The following HHAT variants were observed in gnomAD, a reference collection of about 807,000 sequenced individuals.
HHAT encodes the protein hedgehog acyltransferase, also known as protein-cysteine N-palmitoyltransferase HHAT.
Under a neutral mutation model 70.8 loss-of-function variants are expected in HHAT, and 47 were observed. The ratio of observed to expected loss-of-function variants is 0.66; its 90% CI spans 0.53 to 0.85. The LOEUF (loss-of-function observed/expected upper bound fraction) is 0.85, where lower values mean the gene tolerates loss of function less well. Ranked by LOEUF, HHAT falls within the 40% of genes least tolerant of loss-of-function variation. The pLI is 0.00. For missense variants in HHAT, 609 were observed against 604.8 expected (o/e 1.01, Z -0.07); for synonymous variants, 228 against 247.6 (o/e 0.92, Z 0.74).
chr1:210,387,141 T>G (rs1228824032), intron 3 of HHAT, among the ~76,000 whole-genome samples: 1 of 152,124 alleles, frequency 6.6e-6, no homozygotes, highest in East Asian at 1.9e-4. Flanking sequence ...AAAATGGAAA[T>G]AATAATAGCA....
At chr1:210,426,060 TC>T (rs2093052506) in intron 7 of HHAT, among the ~76,000 whole-genome samples, 1 of 152,244 alleles carries the variant, frequency 6.6e-6, no homozygotes, top group South Asian at 2.1e-4. Context: ...ATCTTTCACT[TC>T]CCTAGTTAGC....
At chr1:210,424,523 C>G (rs2148297738) in intron 7 of HHAT, among the ~76,000 whole-genome samples, 1 of 126,674 alleles carries the variant, frequency 7.9e-6, no homozygotes, top group South Asian at 2.5e-4. Flanking sequence ...TTTTTTTGTA[C>G]AGATTATTTC....
chr1:210,482,630 C>A (rs1443870976), intron 8 of HHAT, among the ~76,000 whole-genome samples: 1 of 152,118 alleles, frequency 6.6e-6, no homozygotes. Flanking sequence ...AAATAGATTG[C>A]CTGCATGAAG....
At chr1:210,329,298 G>C (rs1206328141) in intron 1 of HHAT, 194 bp downstream of exon 1, 1 of 1,225,930 alleles carries the variant, frequency 8.2e-7, no homozygotes, top group Non-Finnish European at 1.0e-6. Context: ...GGCCGCGCGC[G>C]CAGTGCGCCC....
chr1:210,415,592 G>A (rs2092696286), intron 6 of HHAT, among the ~76,000 whole-genome samples: 1 of 152,156 alleles, frequency 6.6e-6, no homozygotes. Flanking sequence ...TGGTATGGCT[G>A]CATAAAATAT....
At chr1:210,514,735 A>G (rs2095025331) in intron 9 of HHAT, among the ~76,000 whole-genome samples, 1 of 152,208 alleles carries the variant, frequency 6.6e-6, no homozygotes, top group African/African-American at 2.4e-5. Flanking sequence ...GTTGAGAAAA[A>G]GCTGTACAGT....
At chr1:210,510,936 A>G (rs1326191144) in intron 8 of HHAT, among the ~76,000 whole-genome samples, 2 of 152,128 alleles carry the variant, frequency 1.3e-5, no homozygotes, top group Admixed American at 6.5e-5. Context: ...TCGCTAATGT[A>G]ATTGAAAAGG....
intron 9 of HHAT, among the ~76,000 whole-genome samples, chr1:210,527,996 G>C (rs1380980797): frequency 6.6e-6 from 1 of 152,168 alleles, no homozygotes; most frequent in South Asian, 2.1e-4. Context: ...ATGATTTTTA[G>C]CATCTACCAT....
chr1:210,565,595 G>A (rs1445216036), intron 9 of HHAT, among the ~76,000 whole-genome samples: 2 of 152,084 alleles, frequency 1.3e-5, no homozygotes, highest in Non-Finnish European at 2.9e-5. Flanking sequence ...AAACAGAAAC[G>A]ATGACAGTGA....
At chr1:210,471,340 GAA>G (rs1194640921) in intron 8 of HHAT, among the ~76,000 whole-genome samples, 1 of 152,112 alleles carries the variant, frequency 6.6e-6, no homozygotes, top group African/African-American at 2.4e-5. Context: ...AATCTAGAAA[GAA>G]GAGTGTTTGC....
intron 4 of HHAT, among the ~76,000 whole-genome samples, chr1:210,395,437 CCAA>C (rs2148177882): frequency 1.1e-5 from 1 of 89,254 alleles, no homozygotes; most frequent in African/African-American, 5.8e-5. Context: ...GGCACTGACA[CCAA>C]TCCTTGGAGC....
At chr1:210,578,689 A>T (rs902047933) in intron 9 of HHAT, among the ~76,000 whole-genome samples, 22 of 152,242 alleles carry the variant, frequency 1.4e-4, no homozygotes, top group African/African-American at 5.3e-4. Context: ...ATGAACATGG[A>T]GAATATTCTA....
At chr1:210,667,958 C>T (rs1679269832) in intron 11 of HHAT, among the ~76,000 whole-genome samples, 1 of 152,148 alleles carries the variant, frequency 6.6e-6, no homozygotes, top group African/African-American at 2.4e-5. Flanking sequence ...ACCCATTAAA[C>T]ACTGCCTTCT....
At chr1:210,362,815 G>C in intron 2 of HHAT, 37 bp from the exon 3 acceptor site, 1 of 1,581,948 alleles carries the variant, frequency 6.3e-7, no homozygotes, top group Non-Finnish European at 8.7e-7. Flanking sequence ...GTTTTGTTTA[G>C]ATTTGTGACT....
At chr1:210,504,296 G>A (rs181264685) in intron 8 of HHAT, among the ~76,000 whole-genome samples, 21 of 152,300 alleles carry the variant, frequency 1.4e-4, no homozygotes, top group Non-Finnish European at 2.8e-4. Context: ...GATTCTTAAT[G>A]ACGTCTAAGG....
chr1:210,362,198 A>G (rs1319771387), intron 2 of HHAT, among the ~76,000 whole-genome samples: 1 of 151,522 alleles, frequency 6.6e-6, no homozygotes, highest in Non-Finnish European at 1.5e-5. Flanking sequence ...AGCGGATCCA[A>G]TCACCATAGT....
At chr1:210,612,820 T>C (rs1350451772) in intron 10 of HHAT, among the ~76,000 whole-genome samples, 1 of 152,234 alleles carries the variant, frequency 6.6e-6, no homozygotes, top group Non-Finnish European at 1.5e-5. Context: ...TATTTTGTTT[T>C]TGATATAGCC....
chr1:210,527,949 C>T (rs2095270601), intron 9 of HHAT, among the ~76,000 whole-genome samples: 1 of 152,190 alleles, frequency 6.6e-6, no homozygotes, highest in Non-Finnish European at 1.5e-5. Flanking sequence ...TGAAGTCAAT[C>T]ACTCTAAACG....
At chr1:210,672,787 A>C (rs1292048573) in intron 11 of HHAT, among the ~76,000 whole-genome samples, 3 of 152,242 alleles carry the variant, frequency 2.0e-5, no homozygotes, top group African/African-American at 7.2e-5. Flanking sequence ...CAGATATTCT[A>C]AGACAAGTAT....
Sources: allele counts gnomAD v4.1 joint callset (sites outside exome capture counted in the v4.1 genomes callset), GRCh38; gene constraint gnomAD v4.1.1; transcripts MANE v1.5; gene names NCBI Gene and HGNC (gene_info 2026-07-23, HGNC 2026-07-21).